TBC1D31: variants seen among roughly 807,000 people sequenced by gnomAD.
TBC1D31 encodes the protein TBC1 domain family member 31.
TBC1D31 carries 99 observed loss-of-function variants against 132.9 expected under a neutral mutation model. That is an observed-to-expected ratio of 0.74 (90% CI 0.63 to 0.88). TBC1D31 has a LOEUF of 0.88. Ranked by LOEUF, TBC1D31 falls within the 40% of genes least tolerant of loss-of-function variation. The probability of loss-of-function intolerance (pLI) is 0.00; values close to 1 mark genes in which losing one functional copy is unlikely to be tolerated. For missense variants in TBC1D31, 1,134 were observed against 1,256.6 expected, an observed-to-expected ratio of 0.90 and a Z score of 1.48; for synonymous variants, 385 against 419.4, an observed-to-expected ratio of 0.92 and a Z score of 1.00.
intron 20 of TBC1D31, among the ~76,000 whole-genome samples, chr8:123,146,032 G>A (rs1056188574): frequency 6.6e-6 from 1 of 151,830 alleles, no homozygotes; most frequent in African/African-American, 2.4e-5. Context: ...CACCATGCCT[G>A]GCTAATTGTT....
downstream of TBC1D31, among the ~76,000 whole-genome samples, chr8:123,152,671 G>C (rs1055989291): frequency 1.3e-5 from 2 of 152,176 alleles, no homozygotes; most frequent in African/African-American, 4.8e-5. Context: ...AGGAGTTCGA[G>C]ACCAGCCTGG....
At chr8:123,126,296 A>T in intron 12 of TBC1D31, 107 bp downstream of exon 12, 2 of 1,374,882 alleles carry the variant, frequency 1.5e-6, no homozygotes, top group Non-Finnish European at 9.8e-7. Flanking sequence ...AGCATACTAC[A>T]TGTTGTATTT....
At chr8:123,101,752 G>A (rs1306122149) in intron 7 of TBC1D31, among the ~76,000 whole-genome samples, 1 of 152,110 alleles carries the variant, frequency 6.6e-6, no homozygotes, top group East Asian at 1.9e-4. Flanking sequence ...TGTGCTGTCT[G>A]TTCTCCACTT....
chr8:123,082,896 C>T (rs971227822), intron 3 of TBC1D31, 79 bp downstream of exon 3: 1 of 980,770 alleles, frequency 1.0e-6, no homozygotes, highest in Non-Finnish European at 1.5e-6. Flanking sequence ...TCACTCTGTA[C>T]AGCTTGAGGG....
chr8:123,154,182 C>A (rs1254818062), downstream of TBC1D31, among the ~76,000 whole-genome samples: 1 of 152,200 alleles, frequency 6.6e-6, no homozygotes, highest in Non-Finnish European at 1.5e-5. Context: ...ATCTGAGAGT[C>A]TGGATTTAAT....
At chr8:123,114,139 A>G (rs1818701805) in intron 10 of TBC1D31, among the ~76,000 whole-genome samples, 2 of 152,334 alleles carry the variant, frequency 1.3e-5, no homozygotes, top group Admixed American at 6.5e-5. Flanking sequence ...GATTTGCTTT[A>G]TAATAGTCTA....
At chr8:123,160,142 T>C in the TBC1D31 span, among the ~76,000 whole-genome samples, 2 of 152,188 alleles carry the variant, frequency 1.3e-5, no homozygotes, top group East Asian at 3.8e-4. Context: ...AATGGTCCTG[T>C]CTCCTTAGGC....
chr8:123,092,758 T>G (rs2130142906), intron 4 of TBC1D31, among the ~76,000 whole-genome samples: 1 of 151,322 alleles, frequency 6.6e-6, no homozygotes, highest in East Asian at 1.9e-4. Context: ...CAAGGGATTC[T>G]TCTGCCTCAG....
chr8:123,096,080 C>T (rs779206352), intron 5 of TBC1D31, among the ~76,000 whole-genome samples: 1 of 152,202 alleles, frequency 6.6e-6, no homozygotes, highest in Non-Finnish European at 1.5e-5. Context: ...TATTTGTTCT[C>T]CCTGTTTTCA....
intron 3 of TBC1D31, 76 bp from the exon 4 acceptor site, chr8:123,084,086 C>A: frequency 1.6e-6 from 2 of 1,269,458 alleles, no homozygotes; most frequent in Non-Finnish European, 2.2e-6. Flanking sequence ...ATCAGTTCAT[C>A]TATGGTGTTT....
Position 123,126,197 on chromosome 8 carries a change from G to A in TBC1D31, c.1704+8G>A, listed in dbSNP as rs1222708200. On this transcript the variant is annotated splice_region_variant and intron_variant, in intron 12 of 21. Coordinates refer to ENST00000287380, the MANE Select transcript of TBC1D31 (RefSeq NM_145647.4). ...CATGATATAACCTCCCAGGTAAGAA[G>A]CATAAGGTTTTTAGAATAACATGCC... The A allele has an allele frequency of 6.2e-7, 1 of 1,600,290 alleles. No homozygotes were observed. The highest frequency in any genetic ancestry group is 1.1e-5 in the South Asian group (1 of 87,088).
intron 1 of TBC1D31, among the ~76,000 whole-genome samples, chr8:123,076,015 A>C (rs112495886): frequency 6.0e-4 from 91 of 152,352 alleles, no homozygotes; most frequent in African/African-American, 2.1e-3. Context: ...AAAAGTAGAA[A>C]GGGGAAAAAA....
chr8:123,091,076 G>A (rs540316197), intron 4 of TBC1D31, among the ~76,000 whole-genome samples: 5 of 152,200 alleles, frequency 3.3e-5, no homozygotes, highest in African/African-American at 7.2e-5. Context: ...CTACAGCTCC[G>A]TCCTTGAACC....
chr8:123,126,032 TG>T (rs1819993072), intron 11 of TBC1D31, 23 bp from the exon 12 acceptor site: 4 of 1,552,218 alleles, frequency 2.6e-6, no homozygotes, highest in Non-Finnish European at 3.5e-6. Context: ...TTTAAAGATA[TG>T]TTTTCTTTTT....
At position 123,093,738 on chromosome 8, in the gene TBC1D31, A is replaced by G. The variant is rs746767864; in HGVS notation, c.667A>G (p.Thr223Ala). The change falls in exon 5 of 22, where the codon ACC becomes GCC. Residue 223 changes from threonine (T) to alanine (A), a missense_variant. Thr to Ala is a moderately conservative substitution (Grantham distance 58). Transcript: ENST00000287380. ...TATATTATACAAAGTGTTTGCTGTA[A>G]CCAGGTAATGTGCATTTTAAGACAC... ...SSILYKVFAVTRDGRILAAGG... is the reference protein window; with the variant it reads ...SSILYKVFAVARDGRILAAGG... 8 of 1,576,126 alleles carry G rather than the reference A, an allele frequency of 5.1e-6. No homozygotes were observed. In the African/African-American group the frequency reaches 9.4e-5, roughly 19 times the overall value.
intron 21 of TBC1D31, among the ~76,000 whole-genome samples, chr8:123,150,743 C>T (rs935695162): frequency 3.3e-5 from 5 of 152,198 alleles, no homozygotes; most frequent in Non-Finnish European, 7.3e-5. Context: ...GTAATCACAG[C>T]ATTAGGCCAT....
intron 19 of TBC1D31, 69 bp downstream of exon 19, chr8:123,142,525 TC>T: frequency 1.6e-6 from 2 of 1,260,954 alleles, no homozygotes; most frequent in Non-Finnish European, 2.1e-6. Context: ...AAAGACAGAG[TC>T]TCACTTTGTT....
chr8:123,100,746 G>A, intron 6 of TBC1D31, 61 bp from the exon 7 acceptor site: 8 of 1,322,042 alleles, frequency 6.1e-6, no homozygotes, highest in Non-Finnish European at 8.7e-6. Context: ...CGTGTATATA[G>A]TAGGACTTTC....
chr8:123,131,363 C>CA (rs59929988), intron 16 of TBC1D31, among the ~76,000 whole-genome samples: 5,783 of 62,718 alleles, frequency 0.092, 541 homozygotes, highest in African/African-American at 0.23. Flanking sequence ...GACTCAGTCT[C>CA]AAAAAAAAAA....
Sources: allele counts gnomAD v4.1 joint callset (sites outside exome capture counted in the v4.1 genomes callset), GRCh38; gene constraint gnomAD v4.1.1; transcripts MANE v1.5; gene names NCBI Gene and HGNC (gene_info 2026-07-23, HGNC 2026-07-21).